DLG2: variants seen among roughly 807,000 people sequenced by gnomAD.
DLG2 encodes disks large homolog 2.
In DLG2, 45 loss-of-function variants were observed where a neutral mutation model predicts 132.5. The observed-to-expected ratio is 0.34, with a 90% CI of 0.27 to 0.44. The LOEUF is 0.44. Among genes scored for constraint, DLG2 ranks in the 20% least tolerant of loss-of-function variants. The pLI is 1.00. For missense variants in DLG2, 1,045 were observed against 1,196.9 expected, an observed-to-expected ratio of 0.87 and a Z score of 1.87; for synonymous variants, 424 against 419.6, an observed-to-expected ratio of 1.01 and a Z score of -0.13.
At chr11:83,942,334 C>A (rs557274212) in intron 14 of DLG2, among the ~76,000 whole-genome samples, 2 of 150,114 alleles carry the variant, frequency 1.3e-5, no homozygotes, top group African/African-American at 4.9e-5. Flanking sequence ...GTGAAAAAAT[C>A]GAGTTAAAAT....
intron 6 of DLG2, among the ~76,000 whole-genome samples, chr11:84,568,752 C>A (rs369638028): frequency 2.0e-5 from 3 of 152,158 alleles, no homozygotes; most frequent in African/African-American, 7.2e-5. Flanking sequence ...AACAACCTTA[C>A]CCAGGCAGGG....
At chr11:85,226,645 G>A (rs936607145) in intron 4 of DLG2, among the ~76,000 whole-genome samples, 2 of 152,126 alleles carry the variant, frequency 1.3e-5, no homozygotes, top group African/African-American at 4.8e-5. Context: ...TAGAAACATT[G>A]GAGAGGTTAT....
intron 18 of DLG2, among the ~76,000 whole-genome samples, chr11:83,683,831 A>G (rs1453693080): frequency 6.6e-6 from 1 of 152,038 alleles, no homozygotes; most frequent in Non-Finnish European, 1.5e-5. Flanking sequence ...GAAGGGGAAA[A>G]AGCCCTAAAG....
At chr11:84,212,885 C>T (rs1443217182) in intron 8 of DLG2, among the ~76,000 whole-genome samples, 3 of 152,198 alleles carry the variant, frequency 2.0e-5, no homozygotes, top group African/African-American at 2.4e-5. Context: ...GTCTTGATCA[C>T]CTGACTTCGT....
chr11:84,574,458 C>A (rs541407448), intron 6 of DLG2, among the ~76,000 whole-genome samples: 1 of 151,816 alleles, frequency 6.6e-6, no homozygotes, highest in South Asian at 2.1e-4. Context: ...AAGGCTTTAG[C>A]TATACATGTT....
At chr11:83,721,009 G>A (rs2088394910) in intron 18 of DLG2, 2 of 152,080 alleles carry the variant, frequency 1.3e-5, no homozygotes, top group African/African-American at 4.8e-5. Flanking sequence ...TACTGAGGAA[G>A]GGAAAATTTT....
chr11:84,694,879 T>C (rs920871688), intron 6 of DLG2, among the ~76,000 whole-genome samples: 6 of 151,594 alleles, frequency 4.0e-5, no homozygotes, highest in African/African-American at 1.5e-4. Flanking sequence ...TATTGTTAAG[T>C]TAGGAATGGT....
At chr11:84,292,016 A>G (rs760603609) in intron 7 of DLG2, among the ~76,000 whole-genome samples, 4 of 152,178 alleles carry the variant, frequency 2.6e-5, no homozygotes, top group Non-Finnish European at 4.4e-5. Context: ...TTCACAGACT[A>G]CAGTAGCTAA....
chr11:84,583,173 A>T (rs1174489588), intron 6 of DLG2, among the ~76,000 whole-genome samples: 1 of 152,194 alleles, frequency 6.6e-6, no homozygotes, highest in Non-Finnish European at 1.5e-5. Flanking sequence ...TTTCAATTCC[A>T]GCTAAGATAA....
At chr11:85,058,529 T>C (rs1168082355) in intron 6 of DLG2, among the ~76,000 whole-genome samples, 3 of 151,544 alleles carry the variant, frequency 2.0e-5, no homozygotes, top group Non-Finnish European at 4.4e-5. Flanking sequence ...CTGTGGAAAT[T>C]GACAAGTTGA....
intron 15 of DLG2, among the ~76,000 whole-genome samples, chr11:83,928,677 T>C (rs565211913): frequency 5.3e-5 from 8 of 152,244 alleles, no homozygotes; most frequent in African/African-American, 1.9e-4. Context: ...AGCTGTCACT[T>C]ACTAATGGAT....
intron 14 of DLG2, among the ~76,000 whole-genome samples, chr11:83,943,395 T>C (rs1389240147): frequency 2.0e-5 from 3 of 152,206 alleles, no homozygotes; most frequent in Non-Finnish European, 4.4e-5. Context: ...ACAGAAAATA[T>C]GTATTTTTTC....
chr11:83,998,875 G>A (rs962825021), intron 11 of DLG2, among the ~76,000 whole-genome samples: 2 of 152,166 alleles, frequency 1.3e-5, no homozygotes, highest in African/African-American at 2.4e-5. Flanking sequence ...GAGCCATAAG[G>A]AAGGTGTGGG....
At chr11:85,238,524 G>A (rs573152438) in intron 4 of DLG2, among the ~76,000 whole-genome samples, 5 of 152,136 alleles carry the variant, frequency 3.3e-5, no homozygotes, top group Non-Finnish European at 7.4e-5. Context: ...GATTACAGGC[G>A]TGAGCCACTG....
chr11:84,442,064 T>C (rs1156415795), intron 7 of DLG2, among the ~76,000 whole-genome samples: 1 of 152,208 alleles, frequency 6.6e-6, no homozygotes. Context: ...TGCCTCCAGC[T>C]TTGTTCTTTT....
intron 3 of DLG2, among the ~76,000 whole-genome samples, chr11:85,589,460 T>A (rs1234631926): frequency 6.6e-6 from 1 of 152,138 alleles, no homozygotes; most frequent in Non-Finnish European, 1.5e-5. Context: ...GATCCACTAC[T>A]GGGTATAGAG....
At chr11:84,804,906 A>G (rs181773597) in intron 6 of DLG2, among the ~76,000 whole-genome samples, 1 of 152,328 alleles carries the variant, frequency 6.6e-6, no homozygotes, top group East Asian at 1.9e-4. Flanking sequence ...GCAGTAGTAA[A>G]GCCATCCCTC....
intron 6 of DLG2, among the ~76,000 whole-genome samples, chr11:84,970,326 C>A (rs541876393): frequency 1.3e-5 from 2 of 152,260 alleles, no homozygotes; most frequent in African/African-American, 4.8e-5. Context: ...TTTCTCCCTA[C>A]CCTAAAGACT....
At chr11:83,666,866 C>A (rs1258920878) in intron 18 of DLG2, among the ~76,000 whole-genome samples, 10 of 152,108 alleles carry the variant, frequency 6.6e-5, no homozygotes, top group African/African-American at 2.4e-4. Context: ...TCTCATCCAA[C>A]CTCTAAATAC....
Sources: gnomAD v4.1 joint callset for allele counts (sites outside exome capture counted in the v4.1 genomes callset) on GRCh38, gnomAD v4.1.1 for gene constraint, MANE v1.5 for transcripts, NCBI Gene and HGNC (gene_info 2026-07-23, HGNC 2026-07-21) for gene names.